ARHGAP6: variants seen among roughly 807,000 people sequenced by gnomAD.
The protein encoded by ARHGAP6 is rho GTPase-activating protein 6.
ARHGAP6 carries 16 observed loss-of-function variants against 55.7 expected under a neutral mutation model. The ratio of observed to expected loss-of-function variants is 0.29; its 90% CI spans 0.19 to 0.44. ARHGAP6 has a LOEUF of 0.44. Among genes scored for constraint, ARHGAP6 ranks in the 20% least tolerant of loss-of-function variants. The pLI is 1.00. For synonymous variants in ARHGAP6, 382 were observed against 360.9 expected (o/e 1.06, Z -0.66); for missense variants, 698 against 808.9 (o/e 0.86, Z 1.66).
rs1003283382 is a variant in ARHGAP6, at chrX:11,414,287, T to C, written c.589-159580A>G. ...AAGACAATATGTCAATAAATGCACA[T>C]GGCTGTGTTCTAATAAAACTTTATT... On this transcript the variant is annotated intron_variant, in intron 1 of 12. Transcript: ENST00000337414. 2.7e-5 allele frequency among the ~76,000 whole-genome samples: 3 copies of C among 112,441 alleles called. No individual in the cohort carries two copies. The Admixed American group carries it at 2.8e-4, about 11-fold the overall frequency.
At chrX:11,625,715 T>G (rs760313016) in intron 1 of ARHGAP6, among the ~76,000 whole-genome samples, 1 of 112,297 alleles carries the variant, frequency 8.9e-6, no homozygotes, top group Non-Finnish European at 1.9e-5. Flanking sequence ...AAATGACAAA[T>G]GTTTGAGGTG....
At chrX:11,421,686 T>A (rs1430150935) in intron 1 of ARHGAP6, among the ~76,000 whole-genome samples, 1 of 111,779 alleles carries the variant, frequency 8.9e-6, no homozygotes, top group Non-Finnish European at 1.9e-5. Flanking sequence ...TCTACTTTGC[T>A]GCTGAATCCT....
chrX:11,468,107 T>A (rs911443858), intron 1 of ARHGAP6, among the ~76,000 whole-genome samples: 3 of 111,400 alleles, frequency 2.7e-5, no homozygotes, highest in South Asian at 3.8e-4. Flanking sequence ...GGGTTGGAGA[T>A]CATGATTGGG....
chrX:11,324,914 A>C (rs1226823957), intron 1 of ARHGAP6, among the ~76,000 whole-genome samples: 1 of 112,480 alleles, frequency 8.9e-6, no homozygotes, highest in Non-Finnish European at 1.9e-5. Flanking sequence ...TGCGGACTGC[A>C]GTGGCGCAAT....
At chrX:11,244,471 G>A (rs1172220429) in intron 2 of ARHGAP6, among the ~76,000 whole-genome samples, 1 of 112,149 alleles carries the variant, frequency 8.9e-6, no homozygotes, top group African/African-American at 3.2e-5. Context: ...CATATGTAAA[G>A]CTCTAGTAAC....
At chrX:11,591,372 T>C (rs1225713015) in intron 1 of ARHGAP6, among the ~76,000 whole-genome samples, 1 of 108,703 alleles carries the variant, frequency 9.2e-6, no homozygotes, top group African/African-American at 3.3e-5. Context: ...CTTTTATTAA[T>C]TTTAATTATT....
chrX:11,396,009 G>A (rs1396075531), intron 1 of ARHGAP6, among the ~76,000 whole-genome samples: 1 of 111,037 alleles, frequency 9.0e-6, no homozygotes, highest in African/African-American at 3.3e-5. Flanking sequence ...TCTCTTTTCT[G>A]TTCCAATGGT....
chrX:11,205,905 A>C, intron 2 of ARHGAP6, among the ~76,000 whole-genome samples: 1 of 112,202 alleles, frequency 8.9e-6, no homozygotes, highest in East Asian at 2.8e-4. Flanking sequence ...TATATTTAGC[A>C]TGTAGTACAA....
intron 1 of ARHGAP6, among the ~76,000 whole-genome samples, chrX:11,429,376 G>T (rs2049920697): frequency 8.9e-6 from 1 of 112,016 alleles, no homozygotes; most frequent in Non-Finnish European, 1.9e-5. Flanking sequence ...CTTCTAGGGT[G>T]CTGGAAATGA....
At chrX:11,180,242 A>G (rs180750478) in intron 6 of ARHGAP6, among the ~76,000 whole-genome samples, 14 of 111,560 alleles carry the variant, frequency 1.3e-4, no homozygotes, top group Admixed American at 1.9e-4. Context: ...CCCTACTTTT[A>G]TCTCTAGCAG....
chrX:11,244,161 T>TAA (rs1484651763), intron 2 of ARHGAP6, among the ~76,000 whole-genome samples: 1 of 112,189 alleles, frequency 8.9e-6, no homozygotes, highest in East Asian at 2.8e-4. Context: ...AACAACTGCA[T>TAA]AAAAAATAAC....
intron 7 of ARHGAP6, 76 bp downstream of exon 7, chrX:11,179,226 G>A (rs1161559459): frequency 1.0e-6 from 1 of 972,453 alleles, no homozygotes; most frequent in African/African-American, 1.9e-5. Flanking sequence ...GGAAACATAT[G>A]CATAAAGTTA....
chrX:11,426,157 G>T (rs962106333), intron 1 of ARHGAP6, among the ~76,000 whole-genome samples: 1 of 111,736 alleles, frequency 8.9e-6, no homozygotes, highest in Non-Finnish European at 1.9e-5. Flanking sequence ...ACGTTTGCCT[G>T]GGAAGGTATC....
At chrX:11,576,737 TA>T (rs2051603027) in intron 1 of ARHGAP6, among the ~76,000 whole-genome samples, 1 of 112,071 alleles carries the variant, frequency 8.9e-6, no homozygotes. Flanking sequence ...TGTAACAAAT[TA>T]CTACAAATTT....
chrX:11,446,460 C>T (rs1033312190), intron 1 of ARHGAP6, among the ~76,000 whole-genome samples: 2 of 111,756 alleles, frequency 1.8e-5, no homozygotes, highest in Admixed American at 1.9e-4. Flanking sequence ...TCCTTAATTG[C>T]TTTTCACTCC....
intron 1 of ARHGAP6, among the ~76,000 whole-genome samples, chrX:11,336,395 A>G (rs2048637848): frequency 9.0e-6 from 1 of 111,532 alleles, no homozygotes; most frequent in African/African-American, 3.3e-5. Context: ...TGTCTAGACA[A>G]TCACCCCAGC....
chrX:11,381,975 T>C, intron 1 of ARHGAP6, among the ~76,000 whole-genome samples: 1 of 112,113 alleles, frequency 8.9e-6, no homozygotes, highest in African/African-American at 3.2e-5. Context: ...TAATGTTACA[T>C]AAGACATAAA....
At chrX:11,502,060 A>G (rs765681155) in intron 1 of ARHGAP6, among the ~76,000 whole-genome samples, 1 of 112,437 alleles carries the variant, frequency 8.9e-6, no homozygotes, top group East Asian at 2.8e-4. Context: ...TTATTTAAAA[A>G]CATGTACAAC....
chrX:11,540,781 T>C (rs2051150358), intron 1 of ARHGAP6, among the ~76,000 whole-genome samples: 1 of 112,344 alleles, frequency 8.9e-6, no homozygotes, highest in Admixed American at 9.4e-5. Context: ...TCATAGGGCG[T>C]TGGAAGTAGT....
Sources: gnomAD v4.1 joint callset for allele counts (sites outside exome capture counted in the v4.1 genomes callset) on GRCh38, gnomAD v4.1.1 for gene constraint, MANE v1.5 for transcripts, NCBI Gene and HGNC (gene_info 2026-07-23, HGNC 2026-07-21) for gene names.